NRCAM: variants seen among roughly 807,000 people sequenced by gnomAD.
NRCAM encodes the protein neuronal cell adhesion molecule.
In NRCAM, 83 loss-of-function variants were observed where a neutral mutation model predicts 156.5. That is an observed-to-expected ratio of 0.53 (90% CI 0.44 to 0.64). The LOEUF is 0.64. Among genes scored for constraint, NRCAM ranks in the 30% least tolerant of loss-of-function variants. NRCAM has a pLI of 0.00. For synonymous variants in NRCAM, 538 were observed against 563.9 expected, an observed-to-expected ratio of 0.95 and a Z score of 0.65; for missense variants, 1,417 against 1,597.3, an observed-to-expected ratio of 0.89 and a Z score of 1.92.
At chr7:108,383,413 A>G (rs1044202001) in intron 2 of NRCAM, among the ~76,000 whole-genome samples, 4 of 152,240 alleles carry the variant, frequency 2.6e-5, no homozygotes, top group African/African-American at 9.6e-5. Context: ...AACAAATAAG[A>G]TACGGAGAAG....
intron 1 of NRCAM, among the ~76,000 whole-genome samples, chr7:108,438,016 T>A: frequency 6.8e-6 from 1 of 147,506 alleles, no homozygotes; most frequent in South Asian, 2.1e-4. Flanking sequence ...AAAATCCAAA[T>A]AGGCCTATAA....
intron 2 of NRCAM, among the ~76,000 whole-genome samples, chr7:108,380,239 T>C (rs1472036059): frequency 6.6e-6 from 1 of 152,220 alleles, no homozygotes. Context: ...AAAATTAGTA[T>C]GAAATTAATT....
intron 2 of NRCAM, among the ~76,000 whole-genome samples, chr7:108,358,242 T>C (rs1409735512): frequency 5.2e-5 from 3 of 57,984 alleles, no homozygotes; most frequent in Non-Finnish European, 7.0e-5. Context: ...ACCCCCTCTC[T>C]ACAAAAAAAA....
At chr7:108,224,879 T>C (rs1245458956) in intron 10 of NRCAM, among the ~76,000 whole-genome samples, 3 of 152,060 alleles carry the variant, frequency 2.0e-5, no homozygotes, top group Admixed American at 6.6e-5. Context: ...AAAGCAGCAG[T>C]TGTGGAGTGT....
chr7:108,428,020 G>A (rs1819624652), intron 1 of NRCAM, among the ~76,000 whole-genome samples: 1 of 152,108 alleles, frequency 6.6e-6, no homozygotes, highest in African/African-American at 2.4e-5. Context: ...AATAAAAAGG[G>A]GTCATGGGTC....
In NRCAM at chr7:108,298,662, C is replaced by A. The variant is rs574825005; in HGVS notation, c.-107+14003G>T. On this transcript the variant is annotated intron_variant, in intron 3 of 32. Transcript: ENST00000379028. ...AGCGAGACTCCATCTCAAAAAAAAC[C>A]AAAAAAACAAAAAAACAAAAAACAC... is the stretch of plus-strand genomic sequence containing the variant. Among the ~76,000 whole-genome samples, 55 of 138,464 alleles carry A rather than the reference C, an allele frequency of 4.0e-4. No individual in the cohort carries two copies. In the East Asian group the frequency reaches 9.3e-3, roughly 23 times the overall value. The allele number at this position is 138,464 out of a possible 152,430, so 90.8% of individuals were successfully genotyped here.
chr7:108,290,549 A>C (rs75444634), intron 3 of NRCAM, among the ~76,000 whole-genome samples: 2,428 of 152,350 alleles, frequency 0.016, 38 homozygotes, highest in Non-Finnish European at 0.022. Flanking sequence ...CTGGGTCAAC[A>C]GTACAGTACA....
chr7:108,350,438 T>C (rs913219556), intron 2 of NRCAM, among the ~76,000 whole-genome samples: 5 of 152,214 alleles, frequency 3.3e-5, no homozygotes, highest in African/African-American at 7.2e-5. Flanking sequence ...AGCTGACACA[T>C]TGGCTGAGTT....
intron 8 of NRCAM, among the ~76,000 whole-genome samples, chr7:108,227,736 T>G (rs60503554): frequency 1.3e-5 from 2 of 152,098 alleles, no homozygotes; most frequent in East Asian, 3.9e-4. Context: ...AAGTCACACA[T>G]CCCAGTGGCC....
intron 5 of NRCAM, among the ~76,000 whole-genome samples, chr7:108,236,089 C>T (rs1182552125): frequency 6.6e-6 from 1 of 152,170 alleles, no homozygotes; most frequent in Non-Finnish European, 1.5e-5. Flanking sequence ...ACTTCTTCCA[C>T]TTGCCAACCA....
rs767667543 is a variant in NRCAM at position 108,180,227 on chromosome 7, T to C, written c.2847A>G (p.Glu949=). 5.6e-6 allele frequency: 9 copies of C among 1,613,840 alleles called. 1 individual carries two copies. Among genetic ancestry groups the C allele is most frequent in the South Asian group, 4.4e-5 (4 of 91,078 alleles). Residue 949 remains glutamate, a synonymous_variant, in exon 25 of 33, where the codon GAA becomes GAG. Transcript: ENST00000379028. ...ASPDRVFNTP[E]GVPSAPSSLK... ...AGAGACACGTCCATTCCATACCTCC[T>C]TCTGGAGTATTAAAGACTCTGTCAG...
rs1165277370 is a variant in NRCAM at position 108,176,621 on chromosome 7, T to C, written c.2975-15A>G. 1.3e-6 allele frequency: 2 copies of C among 1,596,700 alleles called. No individual in the cohort carries two copies. The highest frequency in any genetic ancestry group is 2.2e-5 in the East Asian group (1 of 44,724). ...TGTGCTGTTAACTGTCAATAAGAAA[T>C]AATGAACAAGTGCATTCTCCATTAA... On this transcript the variant is annotated splice_polypyrimidine_tract_variant and intron_variant, in intron 26 of 32. Transcript: ENST00000379028.
At chr7:108,243,825 T>C (rs955889148) in intron 3 of NRCAM, among the ~76,000 whole-genome samples, 1 of 152,210 alleles carries the variant, frequency 6.6e-6, no homozygotes, top group African/African-American at 2.4e-5. Flanking sequence ...GTATGTTACC[T>C]ATAGAACCTG....
At chr7:108,166,396 C>T (rs1455591001) in intron 30 of NRCAM, among the ~76,000 whole-genome samples, 5 of 152,020 alleles carry the variant, frequency 3.3e-5, no homozygotes, top group East Asian at 1.9e-4. Flanking sequence ...TACAGGCGCC[C>T]ACCACCATGC....
intron 14 of NRCAM, among the ~76,000 whole-genome samples, chr7:108,196,575 G>A (rs573177301): frequency 1.2e-4 from 19 of 152,138 alleles, no homozygotes; most frequent in Non-Finnish European, 2.4e-4. Context: ...ACAGGTATAT[G>A]GGAAAATGCC....
chr7:108,204,783 T>C (rs757872046), intron 13 of NRCAM, among the ~76,000 whole-genome samples: 3 of 152,124 alleles, frequency 2.0e-5, no homozygotes, highest in Admixed American at 6.5e-5. Context: ...AAAGAAGACT[T>C]TTGGGATGGA....
intron 1 of NRCAM, among the ~76,000 whole-genome samples, chr7:108,404,486 G>A (rs6942769): frequency 0.85 from 128,876 of 152,188 alleles, 54,792 homozygotes; most frequent in South Asian, 0.92. Context: ...GATTTAAAAA[G>A]TAAGTTTCAA....
intron 1 of NRCAM, among the ~76,000 whole-genome samples, chr7:108,443,305 C>T (rs1840657056): frequency 6.6e-6 from 1 of 152,156 alleles, no homozygotes; most frequent in African/African-American, 2.4e-5. Context: ...GAAGAACAGA[C>T]ATTCACACCA....
chr7:108,292,038 A>AG (rs2154122691), intron 3 of NRCAM, among the ~76,000 whole-genome samples: 1 of 152,360 alleles, frequency 6.6e-6, no homozygotes, highest in Non-Finnish European at 1.5e-5. Context: ...ACTCAGCTTT[A>AG]GCTGATAGTG....
Sources: allele counts gnomAD v4.1 joint callset (sites outside exome capture counted in the v4.1 genomes callset), GRCh38; gene constraint gnomAD v4.1.1; transcripts MANE v1.5; gene names NCBI Gene and HGNC (gene_info 2026-07-23, HGNC 2026-07-21).